CDH6: variants seen among roughly 807,000 people sequenced by gnomAD.
CDH6 encodes the protein cadherin 6, also known as cadherin-6.
Under a neutral mutation model 78.0 loss-of-function variants are expected in CDH6, and 31 were observed. That is an observed-to-expected ratio of 0.40 (90% CI 0.30 to 0.54). The LOEUF (loss-of-function observed/expected upper bound fraction) is 0.54. Ranked by LOEUF, CDH6 falls within the 20% of genes least tolerant of loss-of-function variation. CDH6 has a pLI of 0.56. For synonymous variants in CDH6, 376 were observed against 368.8 expected (o/e 1.02, Z -0.23); for missense variants, 724 against 975.9 (o/e 0.74, Z 3.44).
At chr5:31,305,927 T>G (rs1737980045) in intron 7 of CDH6, among the ~76,000 whole-genome samples, 1 of 152,212 alleles carries the variant, frequency 6.6e-6, no homozygotes. Context: ...CAGGGCTGAC[T>G]GAATAAACCT....
At chr5:31,201,521 C>T (rs539309232) in intron 1 of CDH6, among the ~76,000 whole-genome samples, 1 of 152,152 alleles carries the variant, frequency 6.6e-6, no homozygotes, top group South Asian at 2.1e-4. Context: ...CAGACAGTAA[C>T]CTTCCCACTG....
At chr5:31,266,163 G>A (rs2149932844) in intron 1 of CDH6, among the ~76,000 whole-genome samples, 1 of 152,166 alleles carries the variant, frequency 6.6e-6, no homozygotes, top group Middle Eastern at 3.4e-3. Context: ...GTTTCTAAAG[G>A]AGATATAGGC....
At chr5:31,268,754 T>C (rs1239731742) in intron 2 of CDH6, among the ~76,000 whole-genome samples, 1 of 152,218 alleles carries the variant, frequency 6.6e-6, no homozygotes, top group African/African-American at 2.4e-5. Flanking sequence ...AGGCTGCATG[T>C]TCACACTTCA....
Position 31,293,967 on chromosome 5 carries a change from T to C in CDH6, c.234T>C (p.His78=). Residue 78 remains histidine (H), a synonymous_variant, in exon 3 of 12, where the codon CAT becomes CAC. Transcript: ENST00000265071. The part of the protein sequence containing the change: ...GSDYQYVGKL[H]SDQDRGDGSL... ...ATTTTTTTTTTCTACACTAGTTACA[T>C]TCAGACCAGGATAGAGGAGATGGAT... is the stretch of plus-strand genomic sequence containing the variant. 6.3e-7 allele frequency: 1 copy of C among 1,582,600 alleles called. No individual in the cohort carries two copies. Among genetic ancestry groups the C allele is most frequent in the East Asian group, 2.2e-5 (1 of 44,624 alleles).
intron 11 of CDH6, chr5:31,318,980 A>C (rs1333698830): frequency 4.7e-6 from 1 of 214,904 alleles, no homozygotes; most frequent in Non-Finnish European, 9.4e-6. Context: ...TTGTCAACTA[A>C]GACTTGGGGA....
chr5:31,256,164 C>T (rs1742048468), intron 1 of CDH6, among the ~76,000 whole-genome samples: 2 of 152,122 alleles, frequency 1.3e-5, no homozygotes, highest in African/African-American at 4.8e-5. Context: ...TTAAATTATT[C>T]ATACATTTTT....
chr5:31,316,321 G>A lies in CDH6; in HGVS notation c.1504G>A (p.Ala502Thr). 6.2e-7 allele frequency: 1 copy of A among 1,611,204 alleles called. No homozygotes were observed. The highest frequency in any genetic ancestry group is 8.5e-7 in the Non-Finnish European group (1 of 1,179,132). ...YETFVCEKAK[A>T]DQLIQTLHAV... ...AACTTTTGTCTGTGAAAAAGCAAAG[G>A]CAGATCAGGTGAGTTTCATTAAAAA... Residue 502 changes from alanine to threonine, a missense_variant, in exon 9 of 12, where the codon GCA (alanine) becomes ACA (threonine). Physicochemically the swap from Ala to Thr is moderately conservative, Grantham distance 58. This residue lies in a region of CDH6 where 446 missense variants were observed against 684.5 expected (regional missense o/e 0.65). Transcript: ENST00000265071.
At chr5:31,223,812 A>G (rs889746877) in intron 1 of CDH6, among the ~76,000 whole-genome samples, 1 of 152,228 alleles carries the variant, frequency 6.6e-6, no homozygotes. Context: ...TTGAAATTCT[A>G]TAAAAGAATT....
intron 9 of CDH6, among the ~76,000 whole-genome samples, chr5:31,316,951 C>A (rs930545497): frequency 2.0e-5 from 3 of 152,220 alleles, no homozygotes; most frequent in Admixed American, 6.5e-5. Flanking sequence ...GTCCAAAGAG[C>A]ACTTCTACTT....
Position 31,235,856 on chromosome 5 carries a change from G to A in CDH6, c.-128-31490G>A, listed in dbSNP as rs1042788642. Among the ~76,000 whole-genome samples, 10 of 152,118 alleles carry A rather than the reference G, an allele frequency of 6.6e-5. No homozygotes were observed. In the East Asian group the frequency reaches 1.7e-3, roughly 27 times the overall value. ...AATTTAAATTTATTATAAAATAATTGTTTTACAATTTTTACAATTTTTCTT... is the reference window on the plus strand; with the variant it reads ...AATTTAAATTTATTATAAAATAATTATTTTACAATTTTTACAATTTTTCTT... On this transcript the variant is annotated intron_variant, in intron 1 of 11. Transcript: ENST00000265071.
chr5:31,294,033 C>G lies in CDH6; in HGVS notation c.300C>G (p.Leu100=). The G allele has an allele frequency of 6.2e-7, 1 of 1,611,738 alleles. No individual in the cohort carries two copies. Among genetic ancestry groups the G allele is most frequent in the Non-Finnish European group, 8.5e-7 (1 of 1,178,232 alleles). ...YILSGDGAGD[L]FIINENTGDI... ...TTTCAGGAGATGGAGCAGGAGATCT[C>G]TTCATTATTAATGAAAACACAGGCG... The change falls in exon 3 of 12, where the codon CTC becomes CTG. Residue 100 remains leucine, a synonymous_variant. Coordinates refer to ENST00000265071, the MANE Select transcript of CDH6 (RefSeq NM_004932.4). This position sits in a 1 kb window ranked among gnomAD's most constrained non-coding sequence, Gnocchi z 4.1.
At chr5:31,318,143 T>G in intron 11 of CDH6, 2 of 618,610 alleles carry the variant, frequency 3.2e-6, no homozygotes, top group Non-Finnish European at 5.8e-6. Flanking sequence ...TGTCTTTGCT[T>G]GCCCAGGAAG....
chr5:31,250,102 A>G (rs912062840), intron 1 of CDH6: 5 of 152,410 alleles, frequency 3.3e-5, no homozygotes, highest in Admixed American at 2.0e-4. Flanking sequence ...TGGAATTGCT[A>G]TCAGGGAAGA....
In CDH6 at chr5:31,313,346, G is replaced by A; in HGVS notation, c.1282G>A (p.Asp428Asn). 6.2e-7 allele frequency: 1 copy of A among 1,613,464 alleles called. No homozygotes were observed. Among genetic ancestry groups the A allele is most frequent in the Non-Finnish European group, 8.5e-7 (1 of 1,179,460 alleles). The change falls in exon 8 of 12, where the codon GAC becomes AAC. Residue 428 changes from aspartate to asparagine, a missense_variant. Asp to Asn is a conservative substitution (Grantham distance 23, BLOSUM62 1). Transcript: ENST00000265071. ...CTCTGTAGATCGACACACAGATATG[G>A]ACAGAATATTCAACATTGATTCTGG... Reference protein sequence around the residue: ...KYSVDRHTDMDRIFNIDSGNG... With the variant: ...KYSVDRHTDMNRIFNIDSGNG...
chr5:31,302,563 A>T (rs1412192949), intron 6 of CDH6: 4 of 270,094 alleles, frequency 1.5e-5, no homozygotes, highest in Non-Finnish European at 2.9e-5. Context: ...AAATACAAAA[A>T]TTAGCCAGGC....
intron 11 of CDH6, 133 bp downstream of exon 11, chr5:31,318,057 A>T (rs1738378107): frequency 9.3e-7 from 1 of 1,080,716 alleles, no homozygotes; most frequent in African/African-American, 1.5e-5. Flanking sequence ...ACATACTGAG[A>T]ATCTGTGCTG....
intron 1 of CDH6, among the ~76,000 whole-genome samples, chr5:31,237,748 A>G (rs925412659): frequency 1.3e-5 from 2 of 151,822 alleles, no homozygotes; most frequent in African/African-American, 2.4e-5. Context: ...TTCCTTTCAC[A>G]TTTTTTTTCC....
rs1230259081 is a variant in CDH6 at position 31,323,018 on chromosome 5, G to A, written c.2083G>A (p.Glu695Lys). 9 of 1,614,132 alleles carry A rather than the reference G, an allele frequency of 5.6e-6. No homozygotes were observed. The highest frequency in any genetic ancestry group is 1.7e-5 in the Admixed American group (1 of 60,006). Reference sequence around the variant, plus strand: ...CAAATTACGAAGGGACATTGTGCCCGAAGCCCTTTTCCTACCCCGACGGAC... The same window carrying A: ...CAAATTACGAAGGGACATTGTGCCCAAAGCCCTTTTCCTACCCCGACGGAC... ...DNKLRRDIVP[E>K]ALFLPRRTPT... The change falls in exon 12 of 12, where the codon GAA becomes AAA. Residue 695 changes from glutamate to lysine, a missense_variant. By Grantham distance (56) the Glu-to-Lys change is moderately conservative. Around this residue, in one of 3 missense-constraint regions of CDH6, gnomAD observed 220 missense variants for 240.6 expected, o/e 0.91. Transcript: ENST00000265071.
chr5:31,273,659 G>A (rs1304140384), intron 2 of CDH6, among the ~76,000 whole-genome samples: 1 of 152,006 alleles, frequency 6.6e-6, no homozygotes, highest in Non-Finnish European at 1.5e-5. Context: ...AACATGCGTT[G>A]GTGTTCAATG....
Sources: gnomAD v4.1 joint callset for allele counts (sites outside exome capture counted in the v4.1 genomes callset) on GRCh38, gnomAD v4.1.1 for gene constraint, gnomAD v4.1.1 regional missense constraint, Gnocchi (gnomAD v3.1) non-coding constraint, MANE v1.5 for transcripts, NCBI Gene and HGNC (gene_info 2026-07-23, HGNC 2026-07-21) for gene names.